Variants in R3HDM2 observed in about 807,000 individuals in gnomAD.
R3HDM2 encodes R3H domain containing 2.
In R3HDM2, 38 loss-of-function variants were observed where a neutral mutation model predicts 124.5. The ratio of observed to expected loss-of-function variants is 0.31; its 90% CI spans 0.24 to 0.40. The LOEUF (loss-of-function observed/expected upper bound fraction) is 0.40. R3HDM2 is among the 10% of genes least tolerant of loss of function. R3HDM2 has a pLI of 1.00. For synonymous variants in R3HDM2, 391 were observed against 448.0 expected, an observed-to-expected ratio of 0.87 and a Z score of 1.61; for missense variants, 869 against 1,236.9, an observed-to-expected ratio of 0.70 and a Z score of 4.46.
intron 2 of R3HDM2, among the ~76,000 whole-genome samples, chr12:57,311,296 G>T (rs1223033926): frequency 1.3e-5 from 2 of 151,976 alleles, no homozygotes; most frequent in Non-Finnish European, 1.5e-5. Flanking sequence ...CATGATCTCG[G>T]CTCACTGTAA....
chr12:57,319,264 G>C (rs1194488533), intron 2 of R3HDM2, among the ~76,000 whole-genome samples: 2 of 152,098 alleles, frequency 1.3e-5, no homozygotes, highest in Non-Finnish European at 2.9e-5. Flanking sequence ...TCGAACTCCT[G>C]ACCTCAAGTA....
intron 2 of R3HDM2, chr12:57,341,513 G>T: frequency 1.6e-6 from 1 of 632,466 alleles, no homozygotes; most frequent in Non-Finnish European, 2.0e-6. Context: ...TAGAAGCCAA[G>T]GCCAGCAAAT....
At chr12:57,350,232 TA>T (rs1054721127) in intron 2 of R3HDM2, among the ~76,000 whole-genome samples, 5 of 151,446 alleles carry the variant, frequency 3.3e-5, no homozygotes, top group Non-Finnish European at 7.4e-5. Context: ...AAAATAAAAA[TA>T]AAATAAAATA....
chr12:57,422,882 C>T (rs752373754), intron 1 of R3HDM2, among the ~76,000 whole-genome samples: 18 of 151,824 alleles, frequency 1.2e-4, no homozygotes, highest in Admixed American at 3.9e-4. Context: ...TACTTGGGAG[C>T]CTTGAGCCCA....
intron 1 of R3HDM2, among the ~76,000 whole-genome samples, chr12:57,403,460 C>T (rs2068233640): frequency 6.6e-6 from 1 of 151,374 alleles, no homozygotes; most frequent in Admixed American, 6.6e-5. Flanking sequence ...CCATTGCACT[C>T]CAGCCTGGGT....
intron 2 of R3HDM2, among the ~76,000 whole-genome samples, chr12:57,310,705 C>T (rs2053719683): frequency 1.3e-5 from 2 of 152,080 alleles, no homozygotes; most frequent in Non-Finnish European, 2.9e-5. Flanking sequence ...CATGCATTCA[C>T]CTGTGAAACC....
chr12:57,377,146 T>C (rs2064195279), intron 2 of R3HDM2, among the ~76,000 whole-genome samples: 1 of 142,810 alleles, frequency 7.0e-6, no homozygotes, highest in South Asian at 2.2e-4. Flanking sequence ...ATTAAAAATA[T>C]GGAATGTGGG....
In R3HDM2 at chr12:57,415,958, G is replaced by T. The variant is rs542760555; in HGVS notation, c.-106+14762C>A. Among the ~76,000 whole-genome samples the T allele has an allele frequency of 2.6e-5, 4 of 152,308 alleles. No homozygotes were observed. The South Asian group carries it at 8.3e-4, about 32-fold the overall frequency. On this transcript the variant is annotated intron_variant, in intron 1 of 23. Coordinates refer to ENST00000402412, the MANE Select transcript of R3HDM2 (RefSeq NM_001394031.1). ...ACACATGTTCCTTGAAGGAATCCAG[G>T]ATTGTGGGGGTAAGTTGTAAAGCAT...
intron 3 of R3HDM2, chr12:57,304,609 G>A (rs1264215790): frequency 1.5e-6 from 1 of 685,252 alleles, no homozygotes; most frequent in East Asian, 1.3e-4. Context: ...GATCTGCTCA[G>A]TGGTAAGATC....
chr12:57,378,942 G>T (rs1005265470), intron 2 of R3HDM2, among the ~76,000 whole-genome samples: 1 of 152,120 alleles, frequency 6.6e-6, no homozygotes, highest in South Asian at 2.1e-4. Context: ...TAACCTTGAC[G>T]ACACGCTAAA....
intron 1 of R3HDM2, among the ~76,000 whole-genome samples, chr12:57,426,243 T>C (rs1488387071): frequency 2.0e-5 from 3 of 151,896 alleles, no homozygotes. Flanking sequence ...AATAAATTAA[T>C]TAATTAATTA....
At chr12:57,270,208 C>A (rs1382915701) in intron 14 of R3HDM2, among the ~76,000 whole-genome samples, 1 of 151,960 alleles carries the variant, frequency 6.6e-6, no homozygotes, top group African/African-American at 2.4e-5. Context: ...CAATGGTGAC[C>A]CTGATTATAA....
At chr12:57,428,797 A>G (rs926324952) in intron 1 of R3HDM2, among the ~76,000 whole-genome samples, 3 of 149,680 alleles carry the variant, frequency 2.0e-5, no homozygotes, top group Non-Finnish European at 4.4e-5. Flanking sequence ...CCTAGGCTGG[A>G]GTACAGTGGC....
At chr12:57,339,003 T>C (rs1278988703) in intron 2 of R3HDM2, among the ~76,000 whole-genome samples, 1 of 152,108 alleles carries the variant, frequency 6.6e-6, no homozygotes, top group Non-Finnish European at 1.5e-5. Flanking sequence ...GTACTAATTA[T>C]TGTCTTCGTT....
At chr12:57,320,941 G>A (rs967797364) in intron 2 of R3HDM2, among the ~76,000 whole-genome samples, 1 of 152,146 alleles carries the variant, frequency 6.6e-6, no homozygotes, top group African/African-American at 2.4e-5. Context: ...GGTCTACCCT[G>A]TGGCAAATTC....
chr12:57,419,421 G>A (rs1462323532), intron 1 of R3HDM2, among the ~76,000 whole-genome samples: 1 of 151,664 alleles, frequency 6.6e-6, no homozygotes, highest in African/African-American at 2.4e-5. Flanking sequence ...GAGATTACAG[G>A]CATGAGCCAC....
chr12:57,365,005 G>A (rs1006437727), intron 2 of R3HDM2, among the ~76,000 whole-genome samples: 4 of 147,068 alleles, frequency 2.7e-5, no homozygotes, highest in Non-Finnish European at 4.5e-5. Context: ...GCTCATGCCT[G>A]TAATCCCAGC....
At chr12:57,409,707 TTAAGA>T (rs58987858) in intron 1 of R3HDM2, among the ~76,000 whole-genome samples, 67,286 of 151,286 alleles carry the variant, frequency 0.44, 15,446 homozygotes, top group South Asian at 0.52. Flanking sequence ...GTAAAAAGTG[TTAAGA>T]TAATTGGTTT....
chr12:57,305,884 G>A (rs2052469107), intron 3 of R3HDM2, among the ~76,000 whole-genome samples: 3 of 152,216 alleles, frequency 2.0e-5, no homozygotes, highest in African/African-American at 4.8e-5. Context: ...CCTGGACCTC[G>A]TAGTACTTAT....
Sources: gnomAD v4.1 joint callset for allele counts (sites outside exome capture counted in the v4.1 genomes callset) on GRCh38, gnomAD v4.1.1 for gene constraint, MANE v1.5 for transcripts, NCBI Gene and HGNC (gene_info 2026-07-23, HGNC 2026-07-21) for gene names.